The following TFDP2 variants were observed in gnomAD, a reference collection of about 807,000 sequenced individuals.
The protein encoded by TFDP2 is transcription factor Dp-2 (E2F dimerization partner 2).
TFDP2 carries 17 observed loss-of-function variants against 59.3 expected under a neutral mutation model. The ratio of observed to expected loss-of-function variants is 0.29; its 90% CI spans 0.20 to 0.43. TFDP2 has a LOEUF of 0.43. TFDP2 is among the 20% of genes least tolerant of loss of function. The pLI is 1.00. For missense variants in TFDP2, 391 were observed against 528.8 expected (o/e 0.74, Z 2.56); for synonymous variants, 180 against 194.7 (o/e 0.92, Z 0.63).
intron 9 of TFDP2, among the ~76,000 whole-genome samples, chr3:141,967,168 GC>G (rs1180145475): frequency 6.6e-6 from 1 of 151,568 alleles, no homozygotes; most frequent in East Asian, 1.9e-4. Flanking sequence ...GCCCACCTCG[GC>G]CTCCCCAAGT....
At chr3:142,019,037 A>G (rs1343307323) in intron 3 of TFDP2, among the ~76,000 whole-genome samples, 43 of 130,316 alleles carry the variant, frequency 3.3e-4, no homozygotes, top group African/African-American at 1.2e-3. Context: ...TTGCTTTTAT[A>G]TATTATTCTT....
chr3:141,953,063 T>C, intron 11 of TFDP2, 47 bp from the exon 12 acceptor site: 2 of 1,360,778 alleles, frequency 1.5e-6, no homozygotes, highest in Non-Finnish European at 2.1e-6. Flanking sequence ...GCAAGTTCTG[T>C]GGCTGCTGTT....
At chr3:141,990,134 T>G (rs1299283656) in intron 6 of TFDP2, among the ~76,000 whole-genome samples, 2 of 152,156 alleles carry the variant, frequency 1.3e-5, no homozygotes, top group Non-Finnish European at 2.9e-5. Context: ...CCTCAAGTGA[T>G]ATGGCCACCC....
chr3:141,954,003 A>C (rs1055969441), intron 11 of TFDP2, among the ~76,000 whole-genome samples: 2 of 151,798 alleles, frequency 1.3e-5, no homozygotes, highest in Non-Finnish European at 2.9e-5. Context: ...TCTATTAAAA[A>C]TACAAAATTA....
intron 1 of TFDP2, among the ~76,000 whole-genome samples, chr3:142,148,569 C>T (rs2063259651): frequency 6.6e-6 from 1 of 152,164 alleles, no homozygotes; most frequent in Non-Finnish European, 1.5e-5. Context: ...TGGGAGATAG[C>T]ACAGGCTGGT....
chr3:142,006,466 A>T (rs1252888206), intron 3 of TFDP2, among the ~76,000 whole-genome samples: 1 of 132,406 alleles, frequency 7.6e-6, no homozygotes, highest in Non-Finnish European at 1.6e-5. Context: ...TAATTCCCTT[A>T]CTATTTTTTT....
chr3:142,116,786 G>A (rs2061865342), intron 1 of TFDP2, among the ~76,000 whole-genome samples: 1 of 150,500 alleles, frequency 6.6e-6, no homozygotes. Context: ...TTTCCTAGCT[G>A]TATGCATATA....
intron 3 of TFDP2, among the ~76,000 whole-genome samples, chr3:142,018,929 G>GGTTT (rs533593983): frequency 8.0e-6 from 1 of 125,226 alleles, no homozygotes; most frequent in East Asian, 2.3e-4. Flanking sequence ...TTTTTGGTGA[G>GGTTT]TTTTTTTTTT....
intron 3 of TFDP2, among the ~76,000 whole-genome samples, chr3:142,082,034 G>A (rs988355762): frequency 6.6e-6 from 1 of 152,130 alleles, no homozygotes; most frequent in Non-Finnish European, 1.5e-5. Context: ...GGTGAGTGGC[G>A]GGCGAGTGAA....
At chr3:142,085,434 C>A (rs1560127518) in intron 3 of TFDP2, among the ~76,000 whole-genome samples, 1 of 151,934 alleles carries the variant, frequency 6.6e-6, no homozygotes, top group African/African-American at 2.4e-5. Flanking sequence ...AATTTTTAAT[C>A]AAAACTTCAA....
chr3:142,043,262 T>C (rs1162089107), intron 3 of TFDP2, among the ~76,000 whole-genome samples: 2 of 147,666 alleles, frequency 1.4e-5, no homozygotes, highest in African/African-American at 5.0e-5. Context: ...TTAGCCAGGA[T>C]GGTCTCGATC....
intron 7 of TFDP2, among the ~76,000 whole-genome samples, chr3:141,976,482 A>G (rs943233908): frequency 1.3e-5 from 2 of 152,214 alleles, no homozygotes; most frequent in Non-Finnish European, 2.9e-5. Context: ...TGTATTTTAG[A>G]TATTGAAAAG....
intron 3 of TFDP2, among the ~76,000 whole-genome samples, chr3:142,085,710 T>G (rs1335549369): frequency 6.6e-6 from 1 of 152,180 alleles, no homozygotes; most frequent in Non-Finnish European, 1.5e-5. Context: ...TCAGGGTATG[T>G]GCATATAACG....
intron 1 of TFDP2, among the ~76,000 whole-genome samples, chr3:142,125,222 A>C (rs947377106): frequency 2.6e-5 from 4 of 152,082 alleles, no homozygotes; most frequent in Non-Finnish European, 5.9e-5. Context: ...ACAAACAAAA[A>C]ATCCCACAAA....
At chr3:142,063,020 T>TTG in intron 3 of TFDP2, among the ~76,000 whole-genome samples, 1 of 152,214 alleles carries the variant, frequency 6.6e-6, no homozygotes, top group Non-Finnish European at 1.5e-5. Context: ...ATATTCTGCT[T>TTG]CTAGATATGA....
chr3:141,996,938 A>G (rs1576630632), intron 4 of TFDP2, among the ~76,000 whole-genome samples: 1 of 152,364 alleles, frequency 6.6e-6, no homozygotes, highest in African/African-American at 2.4e-5. Flanking sequence ...CAATACACCA[A>G]GGGTATTAAA....
intron 3 of TFDP2, among the ~76,000 whole-genome samples, chr3:142,075,328 A>AAT (rs747624418): frequency 2.0e-5 from 3 of 152,232 alleles, no homozygotes; most frequent in Non-Finnish European, 4.4e-5. Context: ...TAATATCCAG[A>AAT]ATATATAAAG....
Position 141,963,929 on chromosome 3 carries a change from C to T in TFDP2, c.767G>A (p.Arg256Gln), listed in dbSNP as rs1937591121. Residue 256 changes from arginine (R) to glutamine (Q), a missense_variant, in exon 10 of 13, where the codon CGA (arginine) becomes CAA (glutamine). Coordinates refer to ENST00000489671, the MANE Select transcript of TFDP2 (RefSeq NM_001178139.2). ...IAFKNLVQRN[R>Q]QNEQQNQGPP... The stretch of plus-strand genomic sequence containing the variant: ...GCCCTGGTTTTGCTGCTCATTTTGT[C>T]GATTTCTCTGTACCAGGTTTTTGAA... 6 of 1,613,162 alleles carry T rather than the reference C, an allele frequency of 3.7e-6. No homozygotes were observed. Among genetic ancestry groups the T allele is most frequent in the South Asian group, 3.3e-5 (3 of 91,024 alleles).
At chr3:142,147,443 G>A (rs2063217594) in intron 1 of TFDP2, among the ~76,000 whole-genome samples, 1 of 152,150 alleles carries the variant, frequency 6.6e-6, no homozygotes, top group African/African-American at 2.4e-5. Flanking sequence ...GAGGGCACAC[G>A]GCTCAGACAG....
Sources: allele counts gnomAD v4.1 joint callset (sites outside exome capture counted in the v4.1 genomes callset), GRCh38; gene constraint gnomAD v4.1.1; transcripts MANE v1.5; gene names NCBI Gene and HGNC (gene_info 2026-07-23, HGNC 2026-07-21).